The following MROH1 variants were observed in gnomAD, a reference collection of about 807,000 sequenced individuals.
The protein encoded by MROH1 is maestro heat like repeat family member 1.
MROH1 carries 117 observed loss-of-function variants against 116.5 expected under a neutral mutation model. The observed-to-expected ratio is 1.00, with a 90% CI of 0.86 to 1.17. The LOEUF is 1.17. Ranked by LOEUF, MROH1 falls within the 50% of genes most tolerant of loss-of-function variation. The pLI is 0.00. For synonymous variants in MROH1, 921 were observed against 583.9 expected (o/e 1.58, Z -8.32); for missense variants, 1,873 against 1,338.5 (o/e 1.40, Z -6.23).
At chr8:144,179,260 T>C (rs1824911586) in intron 4 of MROH1, among the ~76,000 whole-genome samples, 195 bp from the exon 5 acceptor site, 1 of 152,048 alleles carries the variant, frequency 6.6e-6, no homozygotes, top group Admixed American at 6.6e-5. Flanking sequence ...GCTCCACCCT[T>C]CTGGAGATGG....
Position 144,168,200 on chromosome 8 carries a change from A to T in MROH1, c.23-95A>T. 5 of 1,347,362 alleles carry T rather than the reference A, an allele frequency of 3.7e-6. No individual in the cohort carries two copies. In the South Asian group the frequency reaches 4.5e-5, roughly 12 times the overall value. The allele number at this position is 1,347,362 out of a possible 1,614,324, so 83.5% of individuals were successfully genotyped here. On this transcript the variant is annotated intron_variant, in intron 3 of 43. Coordinates refer to ENST00000326134, the MANE Select transcript of MROH1 (RefSeq NM_032450.3). Reference sequence around the variant, plus strand: ...CCTGCTCTGTGTCTGTGATCCTCAGAGGCTGCAGGTGTGTCCACTGCAGGA... The same window carrying T: ...CCTGCTCTGTGTCTGTGATCCTCAGTGGCTGCAGGTGTGTCCACTGCAGGA...
chr8:144,213,196 G>C lies in MROH1; in HGVS notation c.1142-7404G>C. On this transcript the variant is annotated intron_variant, in intron 12 of 43. Coordinates refer to ENST00000326134, the MANE Select transcript of MROH1 (RefSeq NM_032450.3). The stretch of plus-strand genomic sequence containing the variant: ...GTTGGTTCTGCGGGCGACTGCCCAT[G>C]TGGCCCTCAGCCCCATCCTCTGTTC... 3 of 714,748 alleles carry C rather than the reference G, an allele frequency of 4.2e-6. 1 individual carries two copies. In the South Asian group the frequency reaches 4.4e-5, roughly 10 times the overall value. The allele number at this position is 714,748 out of a possible 1,614,324, so 44.3% of individuals were successfully genotyped here.
intron 26 of MROH1, 119 bp from the exon 27 acceptor site, chr8:144,244,103 A>T: frequency 1.4e-6 from 1 of 699,242 alleles, no homozygotes; most frequent in Non-Finnish European, 2.6e-6. Context: ...GGGTGCCGCC[A>T]TGGTCTGGAG....
At chr8:144,232,516 CAG>C (rs1367162370) in intron 14 of MROH1, among the ~76,000 whole-genome samples, 5 of 149,006 alleles carry the variant, frequency 3.4e-5, no homozygotes, top group Non-Finnish European at 5.9e-5. Flanking sequence ...ATTTTTGAGA[CAG>C]AGTCTTGCTC....
At chr8:144,242,713 C>G (rs1185874522) in intron 24 of MROH1, 85 bp downstream of exon 24, 1 of 729,276 alleles carries the variant, frequency 1.4e-6, no homozygotes, top group Non-Finnish European at 2.6e-6. Flanking sequence ...AGGCAGAGGC[C>G]GGAGGGGGAG....
intron 2 of MROH1, among the ~76,000 whole-genome samples, 193 bp downstream of exon 2, chr8:144,161,282 G>A (rs1819459286): frequency 1.3e-5 from 2 of 152,164 alleles, no homozygotes; most frequent in Admixed American, 1.3e-4. Flanking sequence ...TGCTGTGTAA[G>A]GGTTCATACA....
Position 144,180,599 on chromosome 8 carries a change from G to T in MROH1, c.562+76G>T, listed in dbSNP as rs771574511. 3 of 1,430,006 alleles carry T rather than the reference G, an allele frequency of 2.1e-6. No individual in the cohort carries two copies. Among genetic ancestry groups the T allele is most frequent in the African/African-American group, 1.4e-5 (1 of 71,488 alleles). The allele number at this position is 1,430,006 out of a possible 1,614,324, so 88.6% of individuals were successfully genotyped here. A position where few individuals can be genotyped will look rare whatever the true frequency, so the allele number is the denominator to read the frequency against. On this transcript the variant is annotated intron_variant, in intron 7 of 43. Transcript: ENST00000326134. The surrounding 1 kb of genome is among the most constrained non-coding windows in gnomAD (Gnocchi z 7.4). The stretch of plus-strand genomic sequence containing the variant: ...CTGTTCCCGGGCATGCCTGTTTTAG[G>T]GGGGACAGGTGGGCACTTTAGGCTG...
chr8:144,202,664 G>A (rs12543192), intron 12 of MROH1, among the ~76,000 whole-genome samples: 38,839 of 103,346 alleles, frequency 0.38, 11,428 homozygotes, highest in East Asian at 0.75. Flanking sequence ...GAGGCGGGGA[G>A]GGGGAGCACC....
intron 12 of MROH1, among the ~76,000 whole-genome samples, chr8:144,212,591 T>G (rs1203200204): frequency 7.5e-6 from 1 of 134,116 alleles, no homozygotes; most frequent in Non-Finnish European, 1.6e-5. Flanking sequence ...TTTTTTTTTT[T>G]TTTTTTTTTT....
chr8:144,255,183 C>CG (rs1400304465), intron 34 of MROH1, among the ~76,000 whole-genome samples: 16,341 of 152,202 alleles, frequency 0.11, 931 homozygotes, highest in Middle Eastern at 0.14. Flanking sequence ...TTTTATCCTG[C>CG]GGAAAAAAAA....
chr8:144,195,501 CAAAAAAAAAAAAA>C (rs1163550725), intron 10 of MROH1, among the ~76,000 whole-genome samples: 2 of 35,332 alleles, frequency 5.7e-5, no homozygotes, highest in Admixed American at 4.6e-4. Flanking sequence ...GACTCTGTCT[CAAAAAAAAAAAAA>C]AAAAAAAAAA....
intron 11 of MROH1, 110 bp downstream of exon 11, chr8:144,199,310 G>A (rs971045674): frequency 2.6e-6 from 3 of 1,167,520 alleles, no homozygotes; most frequent in Non-Finnish European, 1.2e-6. Context: ...GGGATGAGGA[G>A]GCCCCTGTTT....
chr8:144,150,879 C>A (rs1816565933), intron 1 of MROH1, among the ~76,000 whole-genome samples: 1 of 152,196 alleles, frequency 6.6e-6, no homozygotes, highest in South Asian at 2.1e-4. Context: ...GACAGGCACT[C>A]CTGCCTTCCT....
chr8:144,240,923 C>T, intron 20 of MROH1, 69 bp from the exon 21 acceptor site: 1 of 715,012 alleles, frequency 1.4e-6, no homozygotes, highest in South Asian at 1.5e-5. Context: ...CAGGGGCAGC[C>T]CCATGGCAGC....
At chr8:144,178,901 G>T (rs973572793) in intron 4 of MROH1, among the ~76,000 whole-genome samples, 5 of 152,166 alleles carry the variant, frequency 3.3e-5, no homozygotes, top group African/African-American at 1.2e-4. Flanking sequence ...CGACAGGAGA[G>T]CTGCTTAGGG....
chr8:144,218,693 T>TCTCC (rs1835874510), intron 12 of MROH1, among the ~76,000 whole-genome samples: 1 of 15,886 alleles, frequency 6.3e-5, no homozygotes, highest in Non-Finnish European at 1.1e-4. Flanking sequence ...CTCCCCTCTC[T>TCTCC]CCTCCCCTCT....
intron 7 of MROH1, among the ~76,000 whole-genome samples, chr8:144,181,598 C>T (rs935953236): frequency 6.6e-6 from 1 of 152,150 alleles, no homozygotes; most frequent in African/African-American, 2.4e-5. Context: ...GAGGGCAGGG[C>T]CCCTTGGGTA....
intron 3 of MROH1, among the ~76,000 whole-genome samples, chr8:144,165,889 T>C (rs2130923849): frequency 6.6e-6 from 1 of 151,984 alleles, no homozygotes; most frequent in East Asian, 1.9e-4. Flanking sequence ...CATTTATTTT[T>C]TCCCCATCGA....
At chr8:144,260,127 G>A (rs1250809420) in intron 38 of MROH1, 59 bp from the exon 39 acceptor site, 8 of 754,706 alleles carry the variant, frequency 1.1e-5, no homozygotes, top group Admixed American at 3.5e-5. Flanking sequence ...AGGCCACCCT[G>A]TCTTGTGGGG....
Sources: gnomAD v4.1 joint callset for allele counts (sites outside exome capture counted in the v4.1 genomes callset) on GRCh38, gnomAD v4.1.1 for gene constraint, Gnocchi (gnomAD v3.1) non-coding constraint, MANE v1.5 for transcripts, NCBI Gene and HGNC (gene_info 2026-07-23, HGNC 2026-07-21) for gene names.